The following VWA3B variants were observed in gnomAD, a reference collection of about 807,000 sequenced individuals.
The protein encoded by VWA3B is von Willebrand factor A domain-containing protein 3B.
A neutral mutation model predicts 158.3 loss-of-function variants in VWA3B; 138 were observed. The observed-to-expected ratio is 0.87, with a 90% CI of 0.76 to 1.00. The LOEUF is 1.00. Among genes scored for constraint, VWA3B ranks in the 50% least tolerant of loss-of-function variants. The pLI is 0.00. For synonymous variants in VWA3B, 596 were observed against 587.3 expected, an observed-to-expected ratio of 1.01 and a Z score of -0.21; for missense variants, 1,555 against 1,565.1, an observed-to-expected ratio of 0.99 and a Z score of 0.11.
rs754673557 is a variant in VWA3B at position 98,236,680 on chromosome 2, A to C, written c.2623A>C (p.Thr875Pro). Reference sequence around the variant, plus strand: ...AGTGGCAGCAGTCCCGCACAGCTCCACCTATGTTCCCGTCCTGGACAAGCA... The same window carrying C: ...AGTGGCAGCAGTCCCGCACAGCTCCCCCTATGTTCCCGTCCTGGACAAGCA... Reference protein sequence around the residue: ...LSVAAVPHSSTYVPVLDKHVV... With the variant: ...LSVAAVPHSSPYVPVLDKHVV... The change falls in exon 19 of 28, where the codon ACC becomes CCC. Residue 875 changes from threonine (T) to proline (P), a missense_variant. Thr to Pro is a conservative substitution (Grantham distance 38). Coordinates refer to ENST00000477737, the MANE Select transcript of VWA3B (RefSeq NM_144992.5). The C allele has an allele frequency of 2.5e-6, 4 of 1,614,192 alleles. No homozygotes were observed. In the South Asian group the frequency reaches 3.3e-5, roughly 13 times the overall value.
At chr2:98,269,419 C>T (rs1051022187) in intron 21 of VWA3B, 2 of 152,158 alleles carry the variant, frequency 1.3e-5, no homozygotes, top group Non-Finnish European at 2.9e-5. Context: ...AGCTGTGACA[C>T]TCATTTCTGT....
At chr2:98,317,659 GC>G (rs1691116650), downstream of VWA3B, among the ~76,000 whole-genome samples, 1 of 152,066 alleles carries the variant, frequency 6.6e-6, no homozygotes, top group Non-Finnish European at 1.5e-5. Context: ...TAACCTGGTA[GC>G]CCCCACTTTG....
At chr2:98,131,101 C>T (rs998764472) in intron 6 of VWA3B, among the ~76,000 whole-genome samples, 14 of 152,142 alleles carry the variant, frequency 9.2e-5, no homozygotes, top group African/African-American at 2.7e-4. Flanking sequence ...CTATTTTTAT[C>T]CCCCGATCCT....
chr2:98,129,224 AGTGTGTGTGTGT>A (rs1228441504), intron 6 of VWA3B, among the ~76,000 whole-genome samples: 3 of 124,562 alleles, frequency 2.4e-5, no homozygotes, highest in African/African-American at 3.3e-5. Context: ...AGAGAGAGAG[AGTGTGTGTGTGT>A]GTGTGTGTGT....
chr2:98,234,300 A>T (rs1232878481), intron 16 of VWA3B, among the ~76,000 whole-genome samples: 1 of 152,210 alleles, frequency 6.6e-6, no homozygotes. Context: ...TTGAAGATGG[A>T]AGAGTCGTGT....
intron 7 of VWA3B, among the ~76,000 whole-genome samples, chr2:98,160,385 C>A (rs916104083): frequency 1.3e-5 from 2 of 152,146 alleles, no homozygotes; most frequent in African/African-American, 4.8e-5. Flanking sequence ...GTGTTGCTCT[C>A]TGATCACCGA....
At chr2:98,129,224 A>AGAGTGTGTGTGTGT (rs1370543551) in intron 6 of VWA3B, among the ~76,000 whole-genome samples, 71 of 124,652 alleles carry the variant, frequency 5.7e-4, no homozygotes, top group South Asian at 4.1e-3. Context: ...AGAGAGAGAG[A>AGAGTGTGTGTGTGT]GTGTGTGTGT....
intron 7 of VWA3B, among the ~76,000 whole-genome samples, chr2:98,148,725 A>C (rs1677368360): frequency 6.6e-6 from 1 of 152,206 alleles, no homozygotes; most frequent in Non-Finnish European, 1.5e-5. Flanking sequence ...CACACCACTC[A>C]TGCACCCTTT....
At chr2:98,319,133 C>T in the VWA3B span, among the ~76,000 whole-genome samples, 12 of 151,914 alleles carry the variant, frequency 7.9e-5, no homozygotes, top group South Asian at 2.5e-3. Flanking sequence ...ATAACAGGTA[C>T]TAGGACAATG....
rs114062700 is a variant in VWA3B, at chr2:98,167,327, T to C, written c.1114+4351T>C. ...GGCCACTGATAGTTTTTTTTTAACC[T>C]CTTTTAATTACCAAGAGCAGGACGT... On this transcript the variant is annotated intron_variant, in intron 8 of 27. Transcript: ENST00000477737. Among the ~76,000 whole-genome samples, 831 of 151,834 alleles carry C rather than the reference T, an allele frequency of 5.5e-3. 10 individuals are homozygous for C. Among genetic ancestry groups the C allele is most frequent in the African/African-American group, 0.019 (799 of 41,382 alleles).
At chr2:98,120,766 T>C (rs1674895158) in intron 4 of VWA3B, among the ~76,000 whole-genome samples, 1 of 152,244 alleles carries the variant, frequency 6.6e-6, no homozygotes, top group Non-Finnish European at 1.5e-5. Flanking sequence ...AACCAAATTT[T>C]CTCAGGATTT....
intron 12 of VWA3B, among the ~76,000 whole-genome samples, chr2:98,203,406 T>C (rs1348386156): frequency 2.0e-5 from 3 of 152,240 alleles, no homozygotes; most frequent in Non-Finnish European, 4.4e-5. Flanking sequence ...TTGTTTTGGC[T>C]ATTCTTGGGC....
At chr2:98,301,017 G>A (rs1690146708) in intron 25 of VWA3B, among the ~76,000 whole-genome samples, 1 of 152,156 alleles carries the variant, frequency 6.6e-6, no homozygotes, top group Non-Finnish European at 1.5e-5. Context: ...TAGGCCAGGT[G>A]CGGTGGCTCA....
chr2:98,324,968 G>C, the VWA3B span, among the ~76,000 whole-genome samples: 3 of 151,730 alleles, frequency 2.0e-5, no homozygotes, highest in African/African-American at 7.3e-5. Flanking sequence ...AGAGGAGTCA[G>C]TGGCTCTGAG....
chr2:98,117,059 G>C (rs148369807), intron 3 of VWA3B, among the ~76,000 whole-genome samples: 33 of 152,210 alleles, frequency 2.2e-4, no homozygotes, highest in Admixed American at 2.0e-3. Flanking sequence ...ACCTTCTCCT[G>C]TATCTTTATG....
Position 98,312,411 on chromosome 2 carries a change from C to T in VWA3B, c.*62C>T, listed in dbSNP as rs760995751. On this transcript the variant is annotated 3_prime_UTR_variant, in exon 28 of 28. Transcript: ENST00000477737. Reference sequence around the variant, plus strand: ...TCCTTCCAGGCTGTTCAGACCTCAGCGTTGACACTGAAACTGGCCCCTCCG... The same window carrying T: ...TCCTTCCAGGCTGTTCAGACCTCAGTGTTGACACTGAAACTGGCCCCTCCG... 1.3e-5 allele frequency: 20 copies of T among 1,537,026 alleles called. No homozygotes were observed. Among genetic ancestry groups the T allele is most frequent in the Non-Finnish European group, 1.7e-5 (19 of 1,142,776 alleles).
chr2:98,236,733 A>G lies in VWA3B; in HGVS notation c.2673+3A>G, dbSNP rs1216752554. 7.4e-6 allele frequency: 12 copies of G among 1,611,026 alleles called. No homozygotes were observed. The highest frequency in any genetic ancestry group is 1.0e-5 in the Non-Finnish European group (12 of 1,179,152). Reference sequence around the variant, plus strand: ...TCGTGTCTAAGGTCTTTGATGAGGTAAACTGATTGTCTATACGTCCCTACT... The same window carrying G: ...TCGTGTCTAAGGTCTTTGATGAGGTGAACTGATTGTCTATACGTCCCTACT... On this transcript the variant is annotated splice_donor_region_variant and intron_variant, in intron 19 of 27. Coordinates refer to ENST00000477737, the MANE Select transcript of VWA3B (RefSeq NM_144992.5).
intron 23 of VWA3B, among the ~76,000 whole-genome samples, chr2:98,294,102 G>A (rs1392115626): frequency 3.5e-5 from 5 of 143,996 alleles, no homozygotes; most frequent in South Asian, 2.2e-4. Context: ...GGGTCATCCC[G>A]TCTAGAGGCA....
chr2:98,174,929 C>T (rs562057893), intron 8 of VWA3B, among the ~76,000 whole-genome samples: 38 of 152,286 alleles, frequency 2.5e-4, no homozygotes, highest in African/African-American at 8.9e-4. Flanking sequence ...ATTAGCTGAC[C>T]ACTGAGTTAA....
Sources: allele counts gnomAD v4.1 joint callset (sites outside exome capture counted in the v4.1 genomes callset), GRCh38; gene constraint gnomAD v4.1.1; transcripts MANE v1.5; gene names NCBI Gene and HGNC (gene_info 2026-07-23, HGNC 2026-07-21).